The following ZFYVE21 variants were observed in gnomAD, a reference collection of about 807,000 sequenced individuals.
ZFYVE21 encodes the protein zinc finger FYVE-type containing 21.
A neutral mutation model predicts 29.5 loss-of-function variants in ZFYVE21; 21 were observed. The observed-to-expected ratio is 0.71, with a 90% CI of 0.50 to 1.02. ZFYVE21 has a LOEUF of 1.02. Ranked by LOEUF, ZFYVE21 falls within the 50% of genes least tolerant of loss-of-function variation. The pLI is 0.00. For missense variants in ZFYVE21, 326 were observed against 335.4 expected, an observed-to-expected ratio of 0.97 and a Z score of 0.22; for synonymous variants, 151 against 133.8, an observed-to-expected ratio of 1.13 and a Z score of -0.89.
chr14:103,729,008 C>T (rs772003276), intron 4 of ZFYVE21, 25 bp downstream of exon 4: 24 of 1,613,700 alleles, frequency 1.5e-5, no homozygotes, highest in South Asian at 1.1e-4. Flanking sequence ...CTGCTTGGCA[C>T]GGGGCAGCAT....
In ZFYVE21 at chr14:103,726,830, T is replaced by C; in HGVS notation, c.177T>C (p.Phe59=). 1 of 1,614,044 alleles carries C rather than the reference T, an allele frequency of 6.2e-7. No homozygotes were observed. The highest frequency in any genetic ancestry group is 8.5e-7 in the Non-Finnish European group (1 of 1,180,000). The change falls in exon 2 of 7, where the codon TTT becomes TTC. Residue 59 remains phenylalanine (F), a synonymous_variant. Transcript: ENST00000311141. ...TGCAGTGTGACGCCAAGTTTGACTT[T>C]CTCACCAGAAAGGTGAGCTGAGGCC... ...RCMQCDAKFD[F]LTRKHHCRRC...
At position 103,728,915 on chromosome 14, in the gene ZFYVE21, C is replaced by A. The variant is rs762879742; in HGVS notation, c.366C>A (p.Thr122=). 3 of 1,614,054 alleles carry A rather than the reference C, an allele frequency of 1.9e-6. No homozygotes were observed. The highest frequency in any genetic ancestry group is 2.5e-6 in the Non-Finnish European group (3 of 1,180,028). Reference sequence around the variant, plus strand: ...TGCTTTTGTGTTCCCAAGGAGCCACCTTCCTCGTCACGTTTGGAAACTCAG... The same window carrying A: ...TGCTTTTGTGTTCCCAAGGAGCCACATTCCTCGTCACGTTTGGAAACTCAG... ...KQLKVLLSGA[T]FLVTFGNSEK... Residue 122 remains threonine, a synonymous_variant, in exon 4 of 7, where the codon ACC becomes ACA. Transcript: ENST00000311141.
rs372302831 is a variant in ZFYVE21, at chr14:103,732,986, G to T, written c.673G>T (p.Ala225Ser). The T allele has an allele frequency of 4.8e-5, 77 of 1,613,988 alleles. No homozygotes were observed. Among genetic ancestry groups the T allele is most frequent in the Non-Finnish European group, 6.1e-5 (72 of 1,180,038 alleles). Reference sequence around the variant, plus strand: ...GTTGATCTTGTCTGATCTGCAGGCTGCCAAGCTCCTCTATGAATCTCGGGA... The same window carrying T: ...GTTGATCTTGTCTGATCTGCAGGCTTCCAAGCTCCTCTATGAATCTCGGGA... The part of the protein sequence containing the change: ...VAWLVAMHKA[A>S]KLLYESRDQ The change falls in exon 7 of 7, where the codon GCC becomes TCC. Residue 225 changes from alanine to serine, a missense_variant. Transcript: ENST00000311141.
At chr14:103,723,576 G>A (rs2083892529) in intron 1 of ZFYVE21, among the ~76,000 whole-genome samples, 1 of 152,252 alleles carries the variant, frequency 6.6e-6, no homozygotes. Flanking sequence ...TGGCGACATG[G>A]AACTCGGCAG....
intron 5 of ZFYVE21, chr14:103,732,388 C>T (rs1377559503): frequency 9.6e-6 from 4 of 417,948 alleles, no homozygotes; most frequent in Non-Finnish European, 1.6e-5. Context: ...GGCCCTGGGG[C>T]ACCCGGCTGA....
intron 5 of ZFYVE21, chr14:103,730,394 G>A (rs1394346168): frequency 6.5e-6 from 1 of 153,306 alleles, no homozygotes; most frequent in African/African-American, 2.4e-5. Flanking sequence ...CAAAGGGTAG[G>A]GTCTGGAGAA....
intron 2 of ZFYVE21, chr14:103,727,474 A>G (rs2083938713): frequency 3.4e-6 from 2 of 589,132 alleles, no homozygotes; most frequent in African/African-American, 3.7e-5. Flanking sequence ...AGGGCGTCCT[A>G]AGCAGTGGGA....
At chr14:103,718,320 C>G (rs11846751) in intron 1 of ZFYVE21, among the ~76,000 whole-genome samples, 1,612 of 152,350 alleles carry the variant, frequency 0.011, 34 homozygotes, top group African/African-American at 0.037. Flanking sequence ...CGAATACCAG[C>G]TGCCTGACCG....
intron 3 of ZFYVE21, among the ~76,000 whole-genome samples, chr14:103,728,382 G>A (rs961735614): frequency 6.6e-6 from 1 of 152,146 alleles, no homozygotes; most frequent in Non-Finnish European, 1.5e-5. Context: ...AACGAGCAGC[G>A]CCTTCTCCCC....
At chr14:103,718,766 C>T (rs1004776726) in intron 1 of ZFYVE21, among the ~76,000 whole-genome samples, 1 of 152,204 alleles carries the variant, frequency 6.6e-6, no homozygotes, top group Non-Finnish European at 1.5e-5. Context: ...ACCCCTCCCA[C>T]CTCCCATCCG....
In ZFYVE21 at chr14:103,732,665, C is replaced by T. The variant is rs760873429; in HGVS notation, c.572C>T (p.Pro191Leu). ...ATGMFLQYTV[P>L]GTEGVTQLKL... is the part of the protein sequence containing the mutation. ...GGCATGTTCCTGCAGTATACAGTGC[C>T]GGGGACGGAGGGTGTGACCCAGCTG... Residue 191 changes from proline (P) to leucine (L), a missense_variant, in exon 6 of 7, where the codon CCG (proline) becomes CTG (leucine). Physicochemically the swap from Pro to Leu is moderately conservative, Grantham distance 98 (BLOSUM62 -3). Coordinates refer to ENST00000311141, the MANE Select transcript of ZFYVE21 (RefSeq NM_024071.4). 40 of 1,611,130 alleles carry T rather than the reference C, an allele frequency of 2.5e-5. No homozygotes were observed. The highest frequency in any genetic ancestry group is 2.8e-5 in the Non-Finnish European group (33 of 1,178,842).
chr14:103,724,420 C>G (rs1404691747), intron 1 of ZFYVE21: 9 of 152,224 alleles, frequency 5.9e-5, no homozygotes, highest in Admixed American at 5.9e-4. Context: ...AGGCGGCTCT[C>G]GCGTTAGATA....
At chr14:103,730,949 C>G (rs965897095) in intron 5 of ZFYVE21, 6 of 152,376 alleles carry the variant, frequency 3.9e-5, no homozygotes, top group African/African-American at 1.4e-4. Flanking sequence ...GTTACACTGA[C>G]AGGCAAGGTT....
chr14:103,726,914 C>T (rs2083930587), intron 2 of ZFYVE21, 72 bp downstream of exon 2: 13 of 1,486,302 alleles, frequency 8.7e-6, no homozygotes, highest in Non-Finnish European at 1.1e-5. Flanking sequence ...GCCGCTGCCC[C>T]TTCTGGCAGG....
At chr14:103,732,902 C>T (rs1481691740) in intron 6 of ZFYVE21, 81 bp from the exon 7 acceptor site, 10 of 1,609,976 alleles carry the variant, frequency 6.2e-6, no homozygotes, top group Non-Finnish European at 8.5e-6. Context: ...CACGCCATCT[C>T]CCCTGAAATG....
In ZFYVE21 at chr14:103,733,019, C is replaced by A. The variant is rs2295146; in HGVS notation, c.*1C>A. ...CCTCTATGAATCTCGGGACCAGTAA[C>A]TCTACGTGGGGCTGAGCTTGGAGTA... On this transcript the variant is annotated 3_prime_UTR_variant, in exon 7 of 7. Transcript: ENST00000311141. 6.2e-7 allele frequency: 1 copy of A among 1,613,884 alleles called. No homozygotes were observed.
chr14:103,721,552 G>C (rs868460705), intron 1 of ZFYVE21, among the ~76,000 whole-genome samples: 1 of 152,224 alleles, frequency 6.6e-6, no homozygotes, highest in Non-Finnish European at 1.5e-5. Flanking sequence ...AGGGCTCCTG[G>C]AGAGCACTTG....
chr14:103,722,215 TTC>T (rs2083879315), intron 1 of ZFYVE21, among the ~76,000 whole-genome samples: 1 of 152,234 alleles, frequency 6.6e-6, no homozygotes, highest in African/African-American at 2.4e-5. Context: ...TTTTTTAAAT[TTC>T]TTTCACTAAT....
At chr14:103,732,454 C>CT (rs1277315368) in intron 5 of ZFYVE21, 166 bp from the exon 6 acceptor site, 1 of 776,730 alleles carries the variant, frequency 1.3e-6, no homozygotes, top group East Asian at 3.1e-5. Flanking sequence ...CCTCAGAGGC[C>CT]TGAGGAGATG....
Sources: gnomAD v4.1 joint callset for allele counts (sites outside exome capture counted in the v4.1 genomes callset) on GRCh38, gnomAD v4.1.1 for gene constraint, MANE v1.5 for transcripts, NCBI Gene and HGNC (gene_info 2026-07-23, HGNC 2026-07-21) for gene names.